The following DMD variants were observed in gnomAD, a reference collection of about 807,000 sequenced individuals.
DMD encodes the protein dystrophin, also known as mutant dystrophin.
In DMD, 63 loss-of-function variants were observed where a neutral mutation model predicts 330.1. The ratio of observed to expected loss-of-function variants is 0.19; its 90% confidence interval spans 0.16 to 0.24. The LOEUF (loss-of-function observed/expected upper bound fraction) is 0.24, where lower values mean the gene tolerates loss of function less well. Ranked by LOEUF, DMD falls within the 10% of genes least tolerant of loss-of-function variation. DMD has a pLI of 1.00. For missense variants in DMD, 3,344 were observed against 2,684.1 expected (o/e 1.25, Z -5.43); for synonymous variants, 1,223 against 959.8 (o/e 1.27, Z -5.07).
chrX:32,728,453 A>G (rs1416180858), intron 7 of DMD, among the ~76,000 whole-genome samples: 1 of 112,144 alleles, frequency 8.9e-6, no homozygotes, highest in Non-Finnish European at 1.9e-5. Context: ...AGCAGGTTTA[A>G]CAGCAGTAGT....
intron 60 of DMD, among the ~76,000 whole-genome samples, chrX:31,443,172 T>A (rs923446977): frequency 6.3e-5 from 7 of 111,942 alleles, no homozygotes; most frequent in Admixed American, 5.7e-4. Context: ...GAGAAAATGA[T>A]TCTCTAATTC....
chrX:33,267,115 A>C (rs1330397401), intron 1 of DMD, among the ~76,000 whole-genome samples: 1 of 111,831 alleles, frequency 8.9e-6, no homozygotes, highest in Admixed American at 9.5e-5. Flanking sequence ...CCAAAAGGCT[A>C]CTAGAACTGA....
At chrX:32,134,836 G>C (rs750012086) in intron 44 of DMD, among the ~76,000 whole-genome samples, 3 of 111,870 alleles carry the variant, frequency 2.7e-5, no homozygotes, top group Non-Finnish European at 5.6e-5. Flanking sequence ...AGATGAAAAA[G>C]TATCCTCAGA....
intron 15 of DMD, among the ~76,000 whole-genome samples, chrX:32,567,227 G>A (rs2051832734): frequency 8.9e-6 from 1 of 111,835 alleles, no homozygotes; most frequent in Admixed American, 9.5e-5. Flanking sequence ...CCATTTTTAA[G>A]GGGAAACAAA....
rs139877297 is a variant in DMD, at chrX:33,011,003, C to T, written c.93+9136G>A. Reference sequence around the variant, plus strand: ...ACACATTTTCTAGGTAATTCCAATGCGTTTTGCTGCATCGTTTTGGAGTGT... The same window carrying T: ...ACACATTTTCTAGGTAATTCCAATGTGTTTTGCTGCATCGTTTTGGAGTGT... On this transcript the variant is annotated intron_variant, in intron 2 of 78. Coordinates refer to ENST00000357033, the MANE Select transcript of DMD (RefSeq NM_004006.3). 1.7e-3 allele frequency among the ~76,000 whole-genome samples: 187 copies of T among 111,345 alleles called. 3 individuals are homozygous for T. The East Asian group carries it at 0.035, about 21-fold the overall frequency.
At position 32,881,108 on chromosome X, in the gene DMD, A is replaced by G. The variant is rs752545822; in HGVS notation, c.94-31288T>C. On this transcript the variant is annotated intron_variant, in intron 2 of 78. Coordinates refer to ENST00000357033, the MANE Select transcript of DMD (RefSeq NM_004006.3). ...GAAGGCAGCTGGCAAAAAATACCAG[A>G]GTAAGTACAGCTAGGAACTGTAGAT... Among the ~76,000 whole-genome samples, 9 of 112,718 alleles carry G rather than the reference A, an allele frequency of 8.0e-5. 1 individual carries two copies. In the South Asian group the frequency reaches 3.3e-3, roughly 41 times the overall value.
chrX:32,581,322 T>G (rs1325756947), intron 13 of DMD, among the ~76,000 whole-genome samples: 1 of 112,223 alleles, frequency 8.9e-6, no homozygotes, highest in East Asian at 2.8e-4. Flanking sequence ...GAAGAGCCTG[T>G]GCTAGAGAAA....
chrX:31,573,746 T>C (rs1319494470), intron 55 of DMD, among the ~76,000 whole-genome samples: 3 of 111,589 alleles, frequency 2.7e-5, no homozygotes, highest in Non-Finnish European at 5.6e-5. Flanking sequence ...TTACTATTAG[T>C]AATTATAATG....
intron 1 of DMD, among the ~76,000 whole-genome samples, chrX:33,040,872 TAA>T (rs1324369341): frequency 8.9e-6 from 1 of 111,880 alleles, no homozygotes; most frequent in Non-Finnish European, 1.9e-5. Flanking sequence ...ATAACCAGAC[TAA>T]GAGATAACCT....
At chrX:31,213,670 T>C (rs963542766) in intron 64 of DMD, among the ~76,000 whole-genome samples, 15 of 111,900 alleles carry the variant, frequency 1.3e-4, no homozygotes, top group African/African-American at 4.9e-4. Context: ...GCATCCTTTT[T>C]CTGCAAGGAA....
At chrX:32,482,911 C>A (rs1044991744) in intron 21 of DMD, among the ~76,000 whole-genome samples, 1 of 107,986 alleles carries the variant, frequency 9.3e-6, no homozygotes, top group Non-Finnish European at 1.9e-5. Flanking sequence ...TGTGAAAAAG[C>A]AAGTTTAAAA....
chrX:32,944,266 T>C (rs1363418247), intron 2 of DMD, among the ~76,000 whole-genome samples: 3 of 112,592 alleles, frequency 2.7e-5, no homozygotes, highest in Admixed American at 9.4e-5. Flanking sequence ...GTACAGATTT[T>C]AAAAATTATC....
chrX:32,099,758 G>T (rs1323725704), intron 44 of DMD, among the ~76,000 whole-genome samples: 1 of 65,565 alleles, frequency 1.5e-5, no homozygotes, highest in Non-Finnish European at 2.7e-5. Context: ...GGGGGGAGGG[G>T]GGAGGGACAG....
intron 62 of DMD, among the ~76,000 whole-genome samples, chrX:31,307,829 C>T (rs2055160829): frequency 9.0e-6 from 1 of 111,663 alleles, no homozygotes; most frequent in African/African-American, 3.3e-5. Context: ...TTACCACTTA[C>T]CTTACTCCAA....
intron 44 of DMD, among the ~76,000 whole-genome samples, chrX:32,112,997 C>A (rs756870163): frequency 8.9e-6 from 1 of 112,477 alleles, no homozygotes; most frequent in African/African-American, 3.2e-5. Flanking sequence ...ATTTGAAAGC[C>A]AAATTAGTTA....
intron 1 of DMD, among the ~76,000 whole-genome samples, chrX:33,116,345 T>C (rs1204607040): frequency 9.1e-6 from 1 of 110,024 alleles, no homozygotes; most frequent in African/African-American, 3.3e-5. Context: ...ACCCCATCTC[T>C]ACAAAAAGTA....
At chrX:31,615,634 C>T (rs1428480420) in intron 55 of DMD, among the ~76,000 whole-genome samples, 1 of 111,791 alleles carries the variant, frequency 8.9e-6, no homozygotes, top group Non-Finnish European at 1.9e-5. Flanking sequence ...TTTTCCAAAA[C>T]GAGTCAATAT....
chrX:31,255,742 A>T (rs1241357263), intron 63 of DMD, among the ~76,000 whole-genome samples: 1 of 106,121 alleles, frequency 9.4e-6, no homozygotes, highest in Non-Finnish European at 1.9e-5. Flanking sequence ...AAAAACAAAA[A>T]TCTTAGACAC....
chrX:32,815,520 T>TATATATATATATATAATATATACAC, intron 6 of DMD, among the ~76,000 whole-genome samples: 2 of 78,959 alleles, frequency 2.5e-5, no homozygotes, highest in African/African-American at 1.1e-4. Flanking sequence ...TATATATATA[T>TATATATATATATATAATATATACAC]ACACACACAC....
Sources: allele counts gnomAD v4.1 joint callset (sites outside exome capture counted in the v4.1 genomes callset), GRCh38; gene constraint gnomAD v4.1.1; transcripts MANE v1.5; gene names NCBI Gene and HGNC (gene_info 2026-07-23, HGNC 2026-07-21).